Variants in MOB1B observed in about 807,000 individuals in gnomAD.
MOB1B encodes MOB kinase activator 1B, also known as MOB1 Mps One Binder homolog B.
A neutral mutation model predicts 24.4 loss-of-function variants in MOB1B; 19 were observed. That is an observed-to-expected ratio of 0.78 (90% CI 0.54 to 1.14). MOB1B has a LOEUF of 1.14. Among genes scored for constraint, MOB1B ranks in the 50% most tolerant of loss-of-function variants. MOB1B has a pLI of 0.00. For synonymous variants in MOB1B, 76 were observed against 82.1 expected (o/e 0.93, Z 0.40); for missense variants, 243 against 259.6 (o/e 0.94, Z 0.44).
rs564629231 is a variant in MOB1B, at chr4:70,902,414, G to C, written c.-123G>C. On this transcript the variant is annotated 5_prime_UTR_variant, in exon 1 of 6. Transcript: ENST00000309395. ...ACTAGTTGCGGCCACCGAGCAGCCG[G>C]CTCTCGGCACCTCCTCCTCCGCCTC... is the stretch of plus-strand genomic sequence containing the variant. 5 of 1,067,018 alleles carry C rather than the reference G, an allele frequency of 4.7e-6. No homozygotes were observed. The African/African-American group carries it at 7.9e-5, about 17-fold the overall frequency. 66.1% of individuals were successfully genotyped at this position (1,067,018 alleles called of 1,614,324 possible).
At chr4:70,965,260 G>A (rs1226024091) in intron 2 of MOB1B, among the ~76,000 whole-genome samples, 1 of 122,044 alleles carries the variant, frequency 8.2e-6, no homozygotes, top group African/African-American at 3.3e-5. Context: ...TTGCAGCACT[G>A]CACTCCAGCC....
chr4:70,904,665 G>A lies in MOB1B; in HGVS notation c.14+2115G>A, dbSNP rs187850917. ...TCCCAGCTACTTGGGAGGCTGAGACGGGAGTATCACTTGAACCCGGGAGGT... is the reference window on the plus strand; with the variant it reads ...TCCCAGCTACTTGGGAGGCTGAGACAGGAGTATCACTTGAACCCGGGAGGT... On this transcript the variant is annotated intron_variant, in intron 1 of 5. Transcript: ENST00000309395. 7.2e-5 allele frequency among the ~76,000 whole-genome samples: 11 copies of A among 151,764 alleles called. No individual in the cohort carries two copies. In the East Asian group the frequency reaches 9.8e-4, roughly 13 times the overall value.
chr4:70,944,326 C>T (rs1737482174), intron 1 of MOB1B, among the ~76,000 whole-genome samples: 1 of 152,246 alleles, frequency 6.6e-6, no homozygotes, highest in African/African-American at 2.4e-5. Flanking sequence ...TGAGCCGCTG[C>T]ACCCGGCCTC....
chr4:70,954,322 A>AT (rs200435090), intron 1 of MOB1B, among the ~76,000 whole-genome samples: 1,658 of 152,292 alleles, frequency 0.011, 29 homozygotes, highest in African/African-American at 0.038. Flanking sequence ...ATGTTTTGCT[A>AT]TTTTTATTAG....
chr4:70,939,850 T>A (rs569203762), intron 1 of MOB1B, among the ~76,000 whole-genome samples: 1 of 152,308 alleles, frequency 6.6e-6, no homozygotes, highest in African/African-American at 2.4e-5. Context: ...AAGAATTGGA[T>A]CACAGGTGGA....
intron 1 of MOB1B, among the ~76,000 whole-genome samples, chr4:70,949,271 C>T (rs943526106): frequency 2.0e-5 from 3 of 152,168 alleles, no homozygotes; most frequent in African/African-American, 7.2e-5. Flanking sequence ...AGCAATACCA[C>T]CTGCCACTAA....
In MOB1B at chr4:70,926,820, C is replaced by T. The variant is rs965603688; in HGVS notation, c.14+24270C>T. 5.7e-4 allele frequency among the ~76,000 whole-genome samples: 86 copies of T among 151,700 alleles called. 2 individuals carry two copies. The highest frequency in any genetic ancestry group is 3.1e-3 in the Admixed American group (47 of 15,234). On this transcript the variant is annotated intron_variant, in intron 1 of 5. Coordinates refer to ENST00000309395, the MANE Select transcript of MOB1B (RefSeq NM_173468.4). ...GACCATCCTGGCTAACACGGTGAAA[C>T]CCCGTCTCTACTAAAAATACAAAAA... is the stretch of plus-strand genomic sequence containing the variant.
At chr4:70,943,207 A>G (rs1203297075) in intron 1 of MOB1B, among the ~76,000 whole-genome samples, 25 of 152,306 alleles carry the variant, frequency 1.6e-4, no homozygotes, top group Non-Finnish European at 7.4e-5. Flanking sequence ...ATACATTCTC[A>G]TTTCACATAG....
Position 70,939,879 on chromosome 4 carries a change from G to C in MOB1B, c.15-18995G>C, listed in dbSNP as rs536546242. 3.6e-4 allele frequency among the ~76,000 whole-genome samples: 55 copies of C among 152,326 alleles called. No individual in the cohort carries two copies. In the South Asian group the frequency reaches 5.0e-3, roughly 14 times the overall value. ...AGGTGGACTTGGAGAAAGAATGCAA[G>C]GTTTTATTGAGCGGAAGTAGCTCTC... On this transcript the variant is annotated intron_variant, in intron 1 of 5. Coordinates refer to ENST00000309395, the MANE Select transcript of MOB1B (RefSeq NM_173468.4).
chr4:70,910,308 T>C (rs1207168989), intron 1 of MOB1B, among the ~76,000 whole-genome samples: 1 of 152,130 alleles, frequency 6.6e-6, no homozygotes, highest in African/African-American at 2.4e-5. Flanking sequence ...CCCAAAGCGC[T>C]GGGATTATAG....
At position 70,952,957 on chromosome 4, in the gene MOB1B, T is replaced by TC. The variant is rs966653085; in HGVS notation, c.15-5917_15-5916insC. On this transcript the variant is annotated intron_variant, in intron 1 of 5. Coordinates refer to ENST00000309395, the MANE Select transcript of MOB1B (RefSeq NM_173468.4). The stretch of plus-strand genomic sequence containing the variant: ...GGTCTTTTTTTTTTTTTTTTTTTTT[T>TC]TTTGAGTTGGAGTCTCGCCCTGTCG... Among the ~76,000 whole-genome samples, 12 of 144,014 alleles carry TC rather than the reference T, an allele frequency of 8.3e-5. 1 individual carries two copies. The highest frequency in any genetic ancestry group is 2.4e-4 in the African/African-American group (9 of 37,624). 94.5% of individuals were successfully genotyped at this position (144,014 alleles called of 152,430 possible). A position where few individuals can be genotyped will look rare whatever the true frequency, so the allele number is the denominator to read the frequency against.
intron 1 of MOB1B, among the ~76,000 whole-genome samples, chr4:70,940,920 G>T (rs1028236235): frequency 6.6e-6 from 1 of 152,048 alleles, no homozygotes; most frequent in Non-Finnish European, 1.5e-5. Flanking sequence ...TGATCCGCCC[G>T]CCTCGGCCTC....
chr4:70,985,487 G>A lies in MOB1B; in HGVS notation c.*3430G>A, dbSNP rs1470034418. On this transcript the variant is annotated 3_prime_UTR_variant, in exon 6 of 6. Transcript: ENST00000309395. ...ATTTTAGTTACACTAAACACTTTTG[G>A]CAGCTTAATATGACCTTTTTAAATT... 3 of 151,708 alleles carry A rather than the reference G, an allele frequency of 2.0e-5. No individual in the cohort carries two copies. Among genetic ancestry groups the A allele is most frequent in the Non-Finnish European group, 4.4e-5 (3 of 67,856 alleles). 9.4% of individuals were successfully genotyped at this position (151,708 alleles called of 1,614,324 possible).
In MOB1B at chr4:70,902,483, A is replaced by G; in HGVS notation, c.-54A>G. ...CGCCTTTCCTCTTCTTTCCTGGCCC[A>G]CGCCGCTCCGAGGCCTCGCGACCGC... On this transcript the variant is annotated 5_prime_UTR_variant, in exon 1 of 6. Transcript: ENST00000309395. 6.5e-7 allele frequency: 1 copy of G among 1,546,266 alleles called. No homozygotes were observed. The highest frequency in any genetic ancestry group is 8.7e-7 in the Non-Finnish European group (1 of 1,143,762).
rs1215068790 is a variant in MOB1B at position 70,983,670 on chromosome 4, A to G, written c.*1613A>G. 1.3e-5 allele frequency: 2 copies of G among 152,582 alleles called. No homozygotes were observed. Among genetic ancestry groups the G allele is most frequent in the African/African-American group, 4.8e-5 (2 of 41,456 alleles). The allele number at this position is 152,582 out of a possible 1,614,324, so 9.5% of individuals were successfully genotyped here. On this transcript the variant is annotated 3_prime_UTR_variant, in exon 6 of 6. Coordinates refer to ENST00000309395, the MANE Select transcript of MOB1B (RefSeq NM_173468.4). ...AAAAACACTCAGTAGAAAAGAATCT[A>G]AAATTAAATGAATTTGTTTTGCCAT...
At chr4:70,903,473 CAG>C (rs1048758490) in intron 1 of MOB1B, among the ~76,000 whole-genome samples, 1 of 152,274 alleles carries the variant, frequency 6.6e-6, no homozygotes, top group African/African-American at 2.4e-5. Flanking sequence ...CCTCTGAAAA[CAG>C]GGGTTACAGC....
intron 2 of MOB1B, among the ~76,000 whole-genome samples, chr4:70,966,916 A>G (rs1440031026): frequency 6.6e-6 from 1 of 152,128 alleles, no homozygotes; most frequent in African/African-American, 2.4e-5. Flanking sequence ...GCCAAAATCA[A>G]GGAGAAAAAA....
At chr4:70,976,641 T>A (rs981450896) in intron 4 of MOB1B, 4 of 964,532 alleles carry the variant, frequency 4.1e-6, no homozygotes, top group East Asian at 2.3e-4. Context: ...GAAAAAAAAA[T>A]GTGACAACAA....
At chr4:70,950,994 CT>C (rs1302938498) in intron 1 of MOB1B, among the ~76,000 whole-genome samples, 1 of 152,162 alleles carries the variant, frequency 6.6e-6, no homozygotes, top group East Asian at 1.9e-4. Context: ...TAATAACTCA[CT>C]TAACCTTGAA....
Sources: allele counts gnomAD v4.1 joint callset (sites outside exome capture counted in the v4.1 genomes callset), GRCh38; gene constraint gnomAD v4.1.1; transcripts MANE v1.5; gene names NCBI Gene and HGNC (gene_info 2026-07-23, HGNC 2026-07-21).